The following PPP2R2B variants were observed in gnomAD, a reference collection of about 807,000 sequenced individuals.
The protein encoded by PPP2R2B is serine/threonine-protein phosphatase 2A 55 kDa regulatory subunit B beta isoform.
PPP2R2B carries 5 observed loss-of-function variants against 46.0 expected under a neutral mutation model. That is an observed-to-expected ratio of 0.11 (90% confidence interval 0.06 to 0.23). The LOEUF is 0.23. Ranked by LOEUF, PPP2R2B falls within the 10% of genes least tolerant of loss-of-function variation. PPP2R2B has a pLI of 1.00. For missense variants in PPP2R2B, 367 were observed against 575.0 expected (o/e 0.64, Z 3.70); for synonymous variants, 215 against 206.7 (o/e 1.04, Z -0.34).
rs144149385 is a variant in PPP2R2B, at chr5:147,053,366, A to T, written c.79+2299T>A. On this transcript the variant is annotated intron_variant, in intron 1 of 8. Coordinates refer to the PPP2R2B transcript ENST00000336640. The stretch of plus-strand genomic sequence containing the variant: ...AAGCCCAGAAATTGTTGAAGCTCTT[A>T]AATTAGTTCTAGAGTTTCTCTTAAG... Among the ~76,000 whole-genome samples, 856 of 152,300 alleles carry T rather than the reference A, an allele frequency of 5.6e-3. 2 individuals carry two copies. Among genetic ancestry groups the T allele is most frequent in the Middle Eastern group, 0.014 (4 of 292 alleles).
At chr5:147,079,575 G>A (rs1022381940) in intron 2 of PPP2R2B, among the ~76,000 whole-genome samples, 3 of 151,450 alleles carry the variant, frequency 2.0e-5, no homozygotes, top group Admixed American at 2.0e-4. Flanking sequence ...ACTTAATAGT[G>A]AAATAAGCCA....
At chr5:146,812,824 TATATACAC>T (rs1277524210) in intron 2 of PPP2R2B, among the ~76,000 whole-genome samples, 2 of 92,698 alleles carry the variant, frequency 2.2e-5, no homozygotes, top group African/African-American at 8.0e-5. Context: ...TATATATATA[TATATACAC>T]ACACATTTCC....
chr5:146,694,823 A>T (rs890283124), intron 4 of PPP2R2B, among the ~76,000 whole-genome samples: 16 of 152,202 alleles, frequency 1.1e-4, no homozygotes, highest in East Asian at 1.9e-4. Context: ...TTATGTATAC[A>T]ATTATGTAAC....
intron 5 of PPP2R2B, among the ~76,000 whole-genome samples, chr5:146,689,070 C>T (rs1778674889): frequency 6.6e-6 from 1 of 152,082 alleles, no homozygotes; most frequent in Non-Finnish European, 1.5e-5. Context: ...TGAATTGTCT[C>T]ATATATATAG....
At chr5:146,909,681 G>A (rs73796092) in intron 1 of PPP2R2B, among the ~76,000 whole-genome samples, 3,923 of 152,284 alleles carry the variant, frequency 0.026, 147 homozygotes, top group African/African-American at 0.07. Flanking sequence ...TTGCAAGCCC[G>A]CATGTCCTCT....
intron 2 of PPP2R2B, chr5:146,706,249 G>A: frequency 4.2e-6 from 2 of 476,176 alleles, no homozygotes; most frequent in East Asian, 9.7e-5. Flanking sequence ...TCCCATCTCG[G>A]GTCTTGATCT....
At chr5:146,995,055 T>C (rs1476854208) in intron 1 of PPP2R2B, among the ~76,000 whole-genome samples, 23 of 152,206 alleles carry the variant, frequency 1.5e-4, no homozygotes, top group Admixed American at 1.5e-3. Context: ...CACCACTGTC[T>C]CACCTGTCTT....
chr5:146,684,408 CAG>C (rs1778363770), intron 5 of PPP2R2B, among the ~76,000 whole-genome samples: 1 of 152,190 alleles, frequency 6.6e-6, no homozygotes, highest in Admixed American at 6.5e-5. Context: ...ATAGGTACCT[CAG>C]AGGGAGCAAG....
intron 2 of PPP2R2B, among the ~76,000 whole-genome samples, chr5:146,731,629 G>C (rs374910666): frequency 6.6e-6 from 1 of 152,284 alleles, no homozygotes; most frequent in African/African-American, 2.4e-5. Flanking sequence ...AACCTTGGGA[G>C]AGTCAGTCAC....
intron 1 of PPP2R2B, among the ~76,000 whole-genome samples, chr5:146,901,041 A>T (rs1762820009): frequency 6.6e-6 from 1 of 152,096 alleles, no homozygotes; most frequent in Admixed American, 6.6e-5. Flanking sequence ...ATTGATGGGC[A>T]TTTGGGTTCA....
intron 1 of PPP2R2B, among the ~76,000 whole-genome samples, chr5:146,963,589 G>A (rs1752275094): frequency 2.6e-5 from 4 of 152,204 alleles, no homozygotes; most frequent in South Asian, 2.1e-4. Flanking sequence ...GGGTTTATCA[G>A]CAATTATTCT....
intron 5 of PPP2R2B, among the ~76,000 whole-genome samples, chr5:146,660,142 C>T (rs1258787947): frequency 6.6e-6 from 1 of 152,146 alleles, no homozygotes; most frequent in Non-Finnish European, 1.5e-5. Flanking sequence ...ATTATCAAAG[C>T]AACCTGGGGG....
intron 9 of PPP2R2B, among the ~76,000 whole-genome samples, chr5:146,591,457 C>G (rs116610673): frequency 5.3e-5 from 8 of 152,210 alleles, no homozygotes; most frequent in African/African-American, 1.9e-4. Flanking sequence ...TCCATGATCT[C>G]GTTTCAACTT....
chr5:146,591,371 CTG>C (rs756984178), intron 9 of PPP2R2B, among the ~76,000 whole-genome samples: 8 of 152,196 alleles, frequency 5.3e-5, no homozygotes, highest in Non-Finnish European at 1.2e-4. Context: ...GCTCATCAAA[CTG>C]ATACTGTGAA....
chr5:146,874,378 T>A (rs968444078), intron 2 of PPP2R2B, among the ~76,000 whole-genome samples: 2 of 152,210 alleles, frequency 1.3e-5, no homozygotes, highest in Non-Finnish European at 2.9e-5. Flanking sequence ...TTAATATGTA[T>A]AAACAAGACA....
chr5:146,870,781 A>AC (rs1761572204), intron 2 of PPP2R2B, among the ~76,000 whole-genome samples: 1 of 151,862 alleles, frequency 6.6e-6, no homozygotes, highest in Admixed American at 6.6e-5. Flanking sequence ...TTACACACAG[A>AC]CCCCCACCCC....
At chr5:146,715,099 A>G (rs1162340222) in intron 2 of PPP2R2B, among the ~76,000 whole-genome samples, 1 of 152,102 alleles carries the variant, frequency 6.6e-6, no homozygotes, top group Non-Finnish European at 1.5e-5. Flanking sequence ...TATAGAAACA[A>G]GTCTGTCAGA....
At chr5:147,006,878 G>A (rs181749676) in intron 1 of PPP2R2B, among the ~76,000 whole-genome samples, 8 of 152,174 alleles carry the variant, frequency 5.3e-5, no homozygotes, top group Non-Finnish European at 7.4e-5. Flanking sequence ...GATGCCGCCC[G>A]GTGTTTACAG....
At chr5:146,654,481 G>A (rs1041989237) in intron 5 of PPP2R2B, among the ~76,000 whole-genome samples, 1 of 152,160 alleles carries the variant, frequency 6.6e-6, no homozygotes, top group Admixed American at 6.5e-5. Flanking sequence ...CTTTGGAAAG[G>A]CTCTGTGGTG....
Sources: gnomAD v4.1 joint callset for allele counts (sites outside exome capture counted in the v4.1 genomes callset) on GRCh38, gnomAD v4.1.1 for gene constraint, MANE v1.5 for transcripts, NCBI Gene and HGNC (gene_info 2026-07-23, HGNC 2026-07-21) for gene names.